The following SGCD variants were observed in gnomAD, a reference collection of about 807,000 sequenced individuals.
The protein encoded by SGCD is delta-sarcoglycan.
Under a neutral mutation model 36.6 loss-of-function variants are expected in SGCD, and 18 were observed. That is an observed-to-expected ratio of 0.49 (90% confidence interval 0.34 to 0.73). The LOEUF is 0.73. Among genes scored for constraint, SGCD ranks in the 30% least tolerant of loss-of-function variants. The probability of loss-of-function intolerance (pLI) is 0.01; values close to 1 mark genes in which losing one functional copy is unlikely to be tolerated. For synonymous variants in SGCD, 133 were observed against 130.6 expected (o/e 1.02, Z -0.12); for missense variants, 387 against 346.7 (o/e 1.12, Z -0.92).
At chr5:156,460,332 G>A (rs949423728) in intron 3 of SGCD, among the ~76,000 whole-genome samples, 1 of 152,080 alleles carries the variant, frequency 6.6e-6, no homozygotes, top group Non-Finnish European at 1.5e-5. Context: ...CCTTTTAAAG[G>A]TTTAAAATTT....
intron 3 of SGCD, among the ~76,000 whole-genome samples, chr5:156,284,375 A>G (rs964359899): frequency 2.6e-5 from 4 of 152,174 alleles, no homozygotes. Flanking sequence ...ACAAAAAAAG[A>G]GAATTTTAGA....
the SGCD span, among the ~76,000 whole-genome samples, chr5:155,739,469 C>T: frequency 6.6e-6 from 1 of 152,128 alleles, no homozygotes; most frequent in Admixed American, 6.6e-5. Flanking sequence ...TAATGTATAA[C>T]CATGTAATAA....
chr5:156,668,245 C>T (rs1006113774), intron 7 of SGCD, among the ~76,000 whole-genome samples: 4 of 152,180 alleles, frequency 2.6e-5, no homozygotes, highest in Admixed American at 6.5e-5. Flanking sequence ...AACTGACATG[C>T]AGTTGTCTCT....
chr5:155,811,837 T>C, the SGCD span, among the ~76,000 whole-genome samples: 1 of 152,138 alleles, frequency 6.6e-6, no homozygotes, highest in Non-Finnish European at 1.5e-5. Context: ...TTTAGGGTCA[T>C]TTGATTATGA....
At chr5:156,634,959 C>T (rs902430113) in intron 6 of SGCD, among the ~76,000 whole-genome samples, 4 of 152,252 alleles carry the variant, frequency 2.6e-5, no homozygotes, top group East Asian at 1.9e-4. Flanking sequence ...TGCAGTGGCT[C>T]ATGCTTGTAA....
chr5:156,441,059 C>A (rs887814344), intron 3 of SGCD, among the ~76,000 whole-genome samples: 3 of 152,078 alleles, frequency 2.0e-5, no homozygotes, highest in African/African-American at 7.2e-5. Flanking sequence ...GCTATTAGAT[C>A]CTTAACCTAC....
intron 1 of SGCD, among the ~76,000 whole-genome samples, chr5:156,077,187 A>G (rs1760808452): frequency 6.6e-6 from 1 of 152,134 alleles, no homozygotes. Context: ...TTTGGCTTCA[A>G]CTGCCTGAGC....
At chr5:156,013,257 T>C (rs1020047985) in intron 1 of SGCD, among the ~76,000 whole-genome samples, 3 of 152,108 alleles carry the variant, frequency 2.0e-5, no homozygotes, top group African/African-American at 4.8e-5. Flanking sequence ...ACTCCTGACC[T>C]CAAGTGATCT....
intron 6 of SGCD, among the ~76,000 whole-genome samples, chr5:156,632,458 C>T (rs936591451): frequency 1.3e-5 from 2 of 152,182 alleles, no homozygotes; most frequent in African/African-American, 2.4e-5. Flanking sequence ...ATTTTGAAGA[C>T]CTTTCTTTGG....
chr5:156,074,404 A>T (rs1760702769), intron 1 of SGCD, among the ~76,000 whole-genome samples: 2 of 152,212 alleles, frequency 1.3e-5, no homozygotes. Context: ...ATTCTGAAAA[A>T]AAAATTGCAA....
intron 3 of SGCD, among the ~76,000 whole-genome samples, chr5:156,443,510 G>C (rs936166611): frequency 6.6e-6 from 1 of 152,086 alleles, no homozygotes; most frequent in African/African-American, 2.4e-5. Flanking sequence ...AAGTTGGACT[G>C]AGCTGATTAA....
chr5:156,177,251 C>T (rs891324627), intron 3 of SGCD, among the ~76,000 whole-genome samples: 2 of 152,124 alleles, frequency 1.3e-5, no homozygotes, highest in African/African-American at 4.8e-5. Context: ...CCACTCACCT[C>T]GGCCACCCAA....
chr5:155,880,425 T>A (rs1275586330), intron 1 of SGCD, among the ~76,000 whole-genome samples: 6 of 152,192 alleles, frequency 3.9e-5, no homozygotes, highest in Non-Finnish European at 5.9e-5. Context: ...CCCACAGATG[T>A]GGAGATGGTG....
At chr5:155,738,637 TGAGAGTGTGTGTGTGTGA>T in the SGCD span, among the ~76,000 whole-genome samples, 1 of 151,834 alleles carries the variant, frequency 6.6e-6, no homozygotes, top group Non-Finnish European at 1.5e-5. Flanking sequence ...AGAGAGTCTG[TGAGAGTGTGTGTGTGTGA>T]GAGAGTGTGT....
At chr5:156,068,841 T>A (rs1253408084) in intron 1 of SGCD, among the ~76,000 whole-genome samples, 1 of 151,926 alleles carries the variant, frequency 6.6e-6, no homozygotes, top group Non-Finnish European at 1.5e-5. Context: ...GGTATCTCAT[T>A]GTGGTTTTGA....
chr5:156,461,026 G>A (rs545662679), intron 3 of SGCD, among the ~76,000 whole-genome samples: 4 of 152,232 alleles, frequency 2.6e-5, no homozygotes, highest in African/African-American at 9.6e-5. Flanking sequence ...ATAGCTCATA[G>A]AGAAAGTGGT....
chr5:155,896,616 AG>A (rs1381882558), intron 1 of SGCD, among the ~76,000 whole-genome samples: 1 of 151,792 alleles, frequency 6.6e-6, no homozygotes, highest in Non-Finnish European at 1.5e-5. Flanking sequence ...AATGCAATCC[AG>A]CCTGGGTGAC....
chr5:156,197,341 T>G (rs1229768159), intron 3 of SGCD, among the ~76,000 whole-genome samples: 1 of 152,150 alleles, frequency 6.6e-6, no homozygotes, highest in East Asian at 1.9e-4. Context: ...GAAACACATA[T>G]AAATAATTTA....
At chr5:156,599,602 A>G (rs923189675) in intron 6 of SGCD, among the ~76,000 whole-genome samples, 2 of 152,202 alleles carry the variant, frequency 1.3e-5, no homozygotes, top group South Asian at 4.1e-4. Context: ...TTTTAGGACA[A>G]TGACAACCTT....
Sources: gnomAD v4.1 joint callset for allele counts (sites outside exome capture counted in the v4.1 genomes callset) on GRCh38, gnomAD v4.1.1 for gene constraint, MANE v1.5 for transcripts, NCBI Gene and HGNC (gene_info 2026-07-23, HGNC 2026-07-21) for gene names.